The following FAM107B variants were observed in gnomAD, a reference collection of about 807,000 sequenced individuals.
The protein encoded by FAM107B is protein FAM107B.
Under a neutral mutation model 31.5 loss-of-function variants are expected in FAM107B, and 21 were observed. The observed-to-expected ratio is 0.67, with a 90% CI of 0.47 to 0.96. The LOEUF (loss-of-function observed/expected upper bound fraction) is 0.96. Ranked by LOEUF, FAM107B falls within the 40% of genes least tolerant of loss-of-function variation. FAM107B has a pLI of 0.00. For synonymous variants in FAM107B, 157 were observed against 141.5 expected (o/e 1.11, Z -0.78); for missense variants, 452 against 377.1 (o/e 1.20, Z -1.64).
At chr10:14,577,973 TC>T (rs367550507) in intron 2 of FAM107B, among the ~76,000 whole-genome samples, 65 of 152,196 alleles carry the variant, frequency 4.3e-4, no homozygotes, top group Non-Finnish European at 8.7e-4. Context: ...ATGGCTCCCT[TC>T]CCCCAGTTCT....
Position 14,767,020 on chromosome 10 carries a change from G to GTGTATATATATATATA in FAM107B, c.411+7232_411+7233insTATATATATATATACA, listed in dbSNP as rs1354065285. Reference sequence around the variant, plus strand: ...AACTGCAGAACAATATCCCTGATGTGTATGTATATATATATATATATATAT... The same window carrying GTGTATATATATATATA: ...AACTGCAGAACAATATCCCTGATGTGTGTATATATATATATATATGTATATATATATATATATATAT... On this transcript the variant is annotated intron_variant, in intron 1 of 4. Transcript: ENST00000181796. Among the ~76,000 whole-genome samples the GTGTATATATATATATA allele has an allele frequency of 4.9e-4, 15 of 30,396 alleles. 1 individual carries two copies. Among genetic ancestry groups the GTGTATATATATATATA allele is most frequent in the African/African-American group, 1.1e-3 (13 of 11,724 alleles). 19.9% of individuals were successfully genotyped at this position (30,396 alleles called of 152,430 possible). A position where few individuals can be genotyped will look rare whatever the true frequency, so the allele number is the denominator to read the frequency against.
chr10:14,768,883 A>G (rs766918488), intron 1 of FAM107B, among the ~76,000 whole-genome samples: 3 of 152,160 alleles, frequency 2.0e-5, no homozygotes, highest in Non-Finnish European at 4.4e-5. Flanking sequence ...CTTGTAAACT[A>G]TCTCTCACCT....
intron 1 of FAM107B, among the ~76,000 whole-genome samples, chr10:14,694,609 C>G (rs185104718): frequency 6.6e-6 from 1 of 152,330 alleles, no homozygotes; most frequent in East Asian, 1.9e-4. Context: ...GCCTCGAACT[C>G]CTGACCTCAG....
intron 2 of FAM107B, among the ~76,000 whole-genome samples, chr10:14,615,186 G>C (rs1250040083): frequency 6.6e-6 from 1 of 151,886 alleles, no homozygotes; most frequent in Admixed American, 6.6e-5. Context: ...AAAATTAGCT[G>C]GGCATGGTGG....
chr10:14,640,109 C>T (rs1338933337), intron 2 of FAM107B, among the ~76,000 whole-genome samples: 1 of 152,186 alleles, frequency 6.6e-6, no homozygotes, highest in Non-Finnish European at 1.5e-5. Flanking sequence ...TTCCTATGAG[C>T]TGGGCATTGT....
At chr10:14,697,204 G>A (rs1306297937) in intron 1 of FAM107B, among the ~76,000 whole-genome samples, 1 of 152,140 alleles carries the variant, frequency 6.6e-6, no homozygotes, top group Non-Finnish European at 1.5e-5. Context: ...AGCTGGAAAG[G>A]GCTGCCACAT....
intron 1 of FAM107B, among the ~76,000 whole-genome samples, chr10:14,703,103 C>T (rs1855439156): frequency 6.6e-6 from 1 of 152,200 alleles, no homozygotes; most frequent in Non-Finnish European, 1.5e-5. Context: ...CCATCTCTCC[C>T]TCCCCTCTGA....
At chr10:14,604,015 C>A (rs1360949620) in intron 2 of FAM107B, among the ~76,000 whole-genome samples, 1 of 146,770 alleles carries the variant, frequency 6.8e-6, no homozygotes, top group African/African-American at 2.5e-5. Context: ...GCCCCCCGCA[C>A]GGCCCCGCCG....
intron 1 of FAM107B, among the ~76,000 whole-genome samples, chr10:14,726,584 A>G (rs1305575380): frequency 6.6e-6 from 1 of 152,218 alleles, no homozygotes; most frequent in African/African-American, 2.4e-5. Flanking sequence ...TTCCCCCTGG[A>G]AGCCACGTCT....
At chr10:14,647,802 G>A (rs897008433) in intron 2 of FAM107B, among the ~76,000 whole-genome samples, 1 of 151,998 alleles carries the variant, frequency 6.6e-6, no homozygotes, top group African/African-American at 2.4e-5. Context: ...TATATGCCAT[G>A]GTCTGTACCA....
intron 1 of FAM107B, among the ~76,000 whole-genome samples, chr10:14,668,047 T>C (rs1854451856): frequency 6.6e-6 from 1 of 150,964 alleles, no homozygotes; most frequent in South Asian, 2.1e-4. Context: ...TGTTTTTTGT[T>C]TTTTGGGTTT....
intron 1 of FAM107B, among the ~76,000 whole-genome samples, chr10:14,706,155 CTG>C (rs1855514377): frequency 1.3e-5 from 2 of 152,326 alleles, no homozygotes; most frequent in East Asian, 3.9e-4. Context: ...CTCATGGAGG[CTG>C]TGCACAAACT....
At chr10:14,672,024 A>ATGCATTGGTTCTG (rs1167634480) in intron 1 of FAM107B, among the ~76,000 whole-genome samples, 1 of 151,896 alleles carries the variant, frequency 6.6e-6, no homozygotes, top group Non-Finnish European at 1.5e-5. Flanking sequence ...GGAGTCAGGC[A>ATGCATTGGTTCTG]TGCATTGGTT....
rs147609287 is a variant in FAM107B, at chr10:14,542,269, CAAAAAAA to C, written c.470-11761_470-11755del. 1.2e-3 allele frequency among the ~76,000 whole-genome samples: 67 copies of C among 55,986 alleles called. 2 individuals carry two copies. The East Asian group carries it at 0.028, about 23-fold the overall frequency. The allele number at this position is 55,986 out of a possible 152,430, so 36.7% of individuals were successfully genotyped here. A position where few individuals can be genotyped will look rare whatever the true frequency, so the allele number is the denominator to read the frequency against. ...TGGGCAATGCAGTGAGACTCCATCTCAAAAAAAAAAAAAAAAAAAAGTATTGAATGAA... is the reference window on the plus strand; with the variant it reads ...TGGGCAATGCAGTGAGACTCCATCTCAAAAAAAAAAAAAGTATTGAATGAA... On this transcript the variant is annotated intron_variant, in intron 2 of 4. Coordinates refer to ENST00000181796, the MANE Select transcript of FAM107B (RefSeq NM_031453.4).
intron 2 of FAM107B, among the ~76,000 whole-genome samples, chr10:14,618,428 G>T (rs1174136572): frequency 6.6e-6 from 1 of 152,146 alleles, no homozygotes; most frequent in Non-Finnish European, 1.5e-5. Flanking sequence ...AAACCTAGGA[G>T]TGGGACTGTC....
intron 1 of FAM107B, among the ~76,000 whole-genome samples, chr10:14,688,713 G>A (rs1273294030): frequency 6.6e-6 from 1 of 152,154 alleles, no homozygotes; most frequent in Non-Finnish European, 1.5e-5. Flanking sequence ...TTCTTTACAA[G>A]GCGTCGGTAA....
intron 2 of FAM107B, among the ~76,000 whole-genome samples, chr10:14,583,747 A>AAAAAGG (rs1052561302): frequency 5.1e-4 from 78 of 152,218 alleles, no homozygotes; most frequent in African/African-American, 1.9e-3. Context: ...AACTACAGGG[A>AAAAAGG]AAAAGGAAAA....
In FAM107B at chr10:14,726,741, C is replaced by G. The variant is rs76108156; in HGVS notation, c.411+47512G>C. 4.3e-4 allele frequency among the ~76,000 whole-genome samples: 65 copies of G among 152,220 alleles called. 3 individuals carry two copies. The East Asian group carries it at 8.3e-3, about 19-fold the overall frequency. ...TCAGCTGCTTTCTTGTGCCTTCCCC[C>G]CTAAAGAGTCCTTTAAACCAGAGGT... On this transcript the variant is annotated intron_variant, in intron 1 of 4. Transcript: ENST00000181796.
chr10:14,582,628 C>T (rs536996081), intron 2 of FAM107B, among the ~76,000 whole-genome samples: 211 of 151,908 alleles, frequency 1.4e-3, no homozygotes, highest in African/African-American at 3.6e-3. Context: ...CTGCCCCCCT[C>T]GGCCTCCCAA....
Sources: allele counts gnomAD v4.1 joint callset (sites outside exome capture counted in the v4.1 genomes callset), GRCh38; gene constraint gnomAD v4.1.1; transcripts MANE v1.5; gene names NCBI Gene and HGNC (gene_info 2026-07-23, HGNC 2026-07-21).